The following SPATA31C1 variants were observed in gnomAD, a reference collection of about 807,000 sequenced individuals.
The protein encoded by SPATA31C1 is SPATA31 subfamily C member 1, also known as spermatogenesis-associated protein 31C1.
exon 5 of SPATA31C1, chr9:87,923,101 T>A (rs1231478376): frequency 1.2e-6 from 2 of 1,602,708 alleles, no homozygotes; most frequent in Non-Finnish European, 1.7e-6. Flanking sequence ...ATGACAGCAG[T>A]TGGACAGATA....
exon 5 of SPATA31C1, chr9:87,921,793 A>C: frequency 6.2e-7 from 1 of 1,612,032 alleles, no homozygotes; most frequent in South Asian, 1.1e-5. Context: ...GCAGCCCCGA[A>C]AAGTAGGAAA....
chr9:87,913,964 T>TA (rs1202981530), upstream of SPATA31C1, among the ~76,000 whole-genome samples: 12 of 78,378 alleles, frequency 1.5e-4, no homozygotes, highest in African/African-American at 2.7e-4. Flanking sequence ...ATAAAAAAAA[T>TA]AAAAAAAAAG....
At chr9:87,916,828 T>C (rs1828735753) in intron 1 of SPATA31C1, among the ~76,000 whole-genome samples, 2 of 79,534 alleles carry the variant, frequency 2.5e-5, no homozygotes, top group Admixed American at 1.3e-4. Flanking sequence ...AAACCCAGTC[T>C]CTACCAAAAA....
At chr9:87,915,917 C>T (rs1177109681) in intron 1 of SPATA31C1, among the ~76,000 whole-genome samples, 22 of 143,742 alleles carry the variant, frequency 1.5e-4, no homozygotes, top group African/African-American at 4.6e-4. Flanking sequence ...AAAAACTATT[C>T]GTGACACCTG....
exon 5 of SPATA31C1, chr9:87,920,500 C>T: frequency 1.2e-6 from 2 of 1,613,986 alleles, no homozygotes; most frequent in Non-Finnish European, 1.7e-6. Flanking sequence ...GCCTCCCAGC[C>T]ACCAGAACCT....
chr9:87,921,408 A>G, exon 5 of SPATA31C1: 1 of 1,611,860 alleles, frequency 6.2e-7, no homozygotes. Context: ...CTCCACGTCC[A>G]CAGGTGAAAG....
chr9:87,920,743 T>G (rs200259141), exon 5 of SPATA31C1: 2 of 1,613,960 alleles, frequency 1.2e-6, no homozygotes, highest in East Asian at 4.5e-5. Context: ...GTCCCAGCCA[T>G]CTCAGGCCTT....
chr9:87,919,140 A>G (rs1250693699), intron 2 of SPATA31C1, 115 bp from the exon 2 acceptor site: 2 of 1,486,360 alleles, frequency 1.3e-6, no homozygotes, highest in Non-Finnish European at 1.8e-6. Flanking sequence ...GAGAAAGCAC[A>G]CAGAGCTCCC....
exon 5 of SPATA31C1, chr9:87,921,726 C>T (rs1338329678): frequency 6.2e-7 from 1 of 1,611,958 alleles, no homozygotes; most frequent in Admixed American, 1.7e-5. Context: ...TCGATCCTGG[C>T]TTGCTGTCAA....
At position 87,920,703 on chromosome 9, in the gene SPATA31C1, T is replaced by C. The variant is rs1314025154; in HGVS notation, n.1093T>C. The C allele has an allele frequency of 3.1e-6, 5 of 1,613,844 alleles. No individual in the cohort carries two copies. In the East Asian group the frequency reaches 8.9e-5, roughly 29 times the overall value. The stretch of plus-strand genomic sequence containing the variant: ...TCCACTGGACACCGTCCCTCAAAGC[T>C]TGTCTCCACGTGAGGATTTGGCGGC... On this transcript the variant is annotated non_coding_transcript_exon_variant, in exon 5 of 5. Transcript: ENST00000420021.
At chr9:87,922,131 C>T (rs769947249) in exon 5 of SPATA31C1, 1 of 1,613,746 alleles carries the variant, frequency 6.2e-7, no homozygotes, top group Admixed American at 1.7e-5. Flanking sequence ...GGCCTCCTCA[C>T]CTGCATGTAA....
intron 1 of SPATA31C1, among the ~76,000 whole-genome samples, chr9:87,916,469 TGCAAAC>T (rs1399168464): frequency 6.7e-6 from 1 of 148,806 alleles, no homozygotes; most frequent in African/African-American, 2.4e-5. Context: ...GGAAGAAAAG[TGCAAAC>T]CACACCTGAT....
chr9:87,919,355 C>T lies in SPATA31C1; in HGVS notation n.580+7C>T, dbSNP rs1187151353. The T allele has an allele frequency of 6.2e-7, 1 of 1,602,344 alleles. No homozygotes were observed. The highest frequency in any genetic ancestry group is 1.3e-5 in the African/African-American group (1 of 74,364). ...AAAAACCACAGTCTGAGAGGTAAGG[C>T]TCTGCCAGGGCACACTAGAGTTAAT... is the stretch of plus-strand genomic sequence containing the variant. On this transcript the variant is annotated splice_region_variant and intron_variant and non_coding_transcript_variant, in intron 3 of 4. Transcript: ENST00000420021.
exon 5 of SPATA31C1, chr9:87,921,845 G>A: frequency 6.2e-7 from 1 of 1,612,066 alleles, no homozygotes; most frequent in Non-Finnish European, 8.5e-7. Context: ...TCCTTGAGCT[G>A]TGTACTCAGC....
At chr9:87,916,114 CT>C (rs1707220548) in intron 1 of SPATA31C1, among the ~76,000 whole-genome samples, 1 of 143,740 alleles carries the variant, frequency 7.0e-6, no homozygotes, top group Non-Finnish European at 1.5e-5. Context: ...AGGAGGGTAT[CT>C]GGCTAAACTG....
exon 5 of SPATA31C1, chr9:87,920,499 C>A (rs1205699711): frequency 1.2e-6 from 2 of 1,613,968 alleles, no homozygotes; most frequent in Non-Finnish European, 8.5e-7. Context: ...TGCCTCCCAG[C>A]CACCAGAACC....
exon 5 of SPATA31C1, chr9:87,920,523 G>T (rs750692988): frequency 1.2e-6 from 2 of 1,613,760 alleles, no homozygotes; most frequent in Middle Eastern, 3.3e-4. Flanking sequence ...CCTTCTCCTA[G>T]AACGCCCCTC....
chr9:87,920,448 C>T, exon 5 of SPATA31C1: 2 of 1,613,980 alleles, frequency 1.2e-6, no homozygotes, highest in Non-Finnish European at 1.7e-6. Context: ...GGCCTCCACC[C>T]CACCACCAGG....
intron 3 of SPATA31C1, 126 bp downstream of exon 2, chr9:87,919,474 G>A: frequency 7.2e-7 from 1 of 1,392,292 alleles, no homozygotes; most frequent in Non-Finnish European, 9.7e-7. Flanking sequence ...AGAACCCTGG[G>A]TCCTTCTCAG....
Sources: allele counts gnomAD v4.1 joint callset (sites outside exome capture counted in the v4.1 genomes callset), GRCh38; gene constraint gnomAD v4.1.1; transcripts MANE v1.5; gene names NCBI Gene and HGNC (gene_info 2026-07-23, HGNC 2026-07-21).